The following UBE2E2 variants were observed in gnomAD, a reference collection of about 807,000 sequenced individuals.
The protein encoded by UBE2E2 is ubiquitin-conjugating enzyme E2 E2.
In UBE2E2, 6 loss-of-function variants were observed where a neutral mutation model predicts 24.7. The observed-to-expected ratio is 0.24, with a 90% CI of 0.13 to 0.48. The LOEUF (loss-of-function observed/expected upper bound fraction) is 0.48. Ranked by LOEUF, UBE2E2 falls within the 20% of genes least tolerant of loss-of-function variation. The pLI, the probability that UBE2E2 is intolerant of heterozygous loss-of-function variation, is 0.99. For missense variants in UBE2E2, 169 were observed against 245.0 expected, an observed-to-expected ratio of 0.69 and a Z score of 2.07; for synonymous variants, 104 against 83.6, an observed-to-expected ratio of 1.24 and a Z score of -1.33.
chr3:23,554,094 G>C (rs536684059), intron 5 of UBE2E2, among the ~76,000 whole-genome samples: 12 of 152,150 alleles, frequency 7.9e-5, no homozygotes, highest in African/African-American at 2.4e-4. Context: ...TCCTGAGGTG[G>C]GGTTGAGGGG....
intron 3 of UBE2E2, among the ~76,000 whole-genome samples, chr3:23,322,997 G>T (rs1694786477): frequency 6.6e-6 from 1 of 151,752 alleles, no homozygotes. Flanking sequence ...AAAATCACTT[G>T]TCAATAGTTA....
intron 5 of UBE2E2, among the ~76,000 whole-genome samples, chr3:23,585,206 C>CA (rs201214775): frequency 0.028 from 4,255 of 150,798 alleles, 102 homozygotes; most frequent in East Asian, 0.12. Flanking sequence ...CCGTCTCTAC[C>CA]AAAAAAAATA....
At chr3:23,555,027 T>C (rs1382206175) in intron 5 of UBE2E2, among the ~76,000 whole-genome samples, 1 of 152,080 alleles carries the variant, frequency 6.6e-6, no homozygotes, top group East Asian at 1.9e-4. Flanking sequence ...GTGATGCTGC[T>C]GCCTCAGCCT....
chr3:23,276,056 C>G (rs1230770249), intron 3 of UBE2E2, among the ~76,000 whole-genome samples: 1 of 151,770 alleles, frequency 6.6e-6, no homozygotes, highest in African/African-American at 2.4e-5. Flanking sequence ...AGAGACAAGC[C>G]TATTTAAAAA....
rs564112989 is a variant in UBE2E2 at position 23,450,608 on chromosome 3, T to C, written c.228-49000T>C. On this transcript the variant is annotated intron_variant, in intron 3 of 5. Coordinates refer to ENST00000396703, the MANE Select transcript of UBE2E2 (RefSeq NM_152653.4). ...TGATATCAAAATGTATTCACCAACA[T>C]TGCCCTTATGTAGTTTTAGTTACCT... is the stretch of plus-strand genomic sequence containing the variant. 1.7e-4 allele frequency among the ~76,000 whole-genome samples: 26 copies of C among 152,284 alleles called. No individual in the cohort carries two copies. The South Asian group carries it at 5.4e-3, about 32-fold the overall frequency.
chr3:23,212,876 TATATA>T (rs926290169), intron 2 of UBE2E2, among the ~76,000 whole-genome samples: 2 of 152,158 alleles, frequency 1.3e-5, no homozygotes, highest in African/African-American at 4.8e-5. Flanking sequence ...GAATCATAGA[TATATA>T]GTATATACCA....
chr3:23,573,184 A>C (rs1202057216), intron 5 of UBE2E2, among the ~76,000 whole-genome samples: 2 of 152,234 alleles, frequency 1.3e-5, no homozygotes, highest in African/African-American at 4.8e-5. Context: ...GTACAGAATC[A>C]GGTCCAGATA....
intron 3 of UBE2E2, among the ~76,000 whole-genome samples, chr3:23,359,518 CTG>C (rs1239785143): frequency 6.6e-6 from 1 of 152,076 alleles, no homozygotes; most frequent in Non-Finnish European, 1.5e-5. Context: ...ATCTCTATAA[CTG>C]GTGTCTACAG....
At chr3:23,574,942 GAA>G (rs1185124120) in intron 5 of UBE2E2, among the ~76,000 whole-genome samples, 1 of 152,110 alleles carries the variant, frequency 6.6e-6, no homozygotes, top group Non-Finnish European at 1.5e-5. Context: ...TCCAAAATCT[GAA>G]ACTTTTTGAG....
At chr3:23,241,709 G>T (rs1057351780) in intron 3 of UBE2E2, among the ~76,000 whole-genome samples, 1 of 152,078 alleles carries the variant, frequency 6.6e-6, no homozygotes, top group Non-Finnish European at 1.5e-5. Flanking sequence ...AGTTTCTTAT[G>T]ATTAACTGTG....
intron 3 of UBE2E2, among the ~76,000 whole-genome samples, chr3:23,329,442 G>A (rs1695002748): frequency 6.6e-6 from 1 of 152,228 alleles, no homozygotes; most frequent in Non-Finnish European, 1.5e-5. Context: ...AGACAGAATA[G>A]TAGGCAGACA....
rs189319618 is a variant in UBE2E2 at position 23,542,621 on chromosome 3, T to G, written c.508+9920T>G. ...GATTCATTCCTTAATAAAATGTATT[T>G]TCTGTATTGGCTTTTTGTTATTTTC... On this transcript the variant is annotated intron_variant, in intron 5 of 5. Transcript: ENST00000396703. Among the ~76,000 whole-genome samples the G allele has an allele frequency of 3.9e-3, 598 of 152,324 alleles. 3 individuals are homozygous for G. The highest frequency in any genetic ancestry group is 0.014 in the Middle Eastern group (4 of 294).
chr3:23,545,565 C>T (rs575574768), intron 5 of UBE2E2, among the ~76,000 whole-genome samples: 1 of 152,218 alleles, frequency 6.6e-6, no homozygotes, highest in East Asian at 1.9e-4. Flanking sequence ...AAAATGGAGT[C>T]TCCTATGTCT....
At chr3:23,571,063 T>C (rs1696208331) in intron 5 of UBE2E2, among the ~76,000 whole-genome samples, 2 of 151,976 alleles carry the variant, frequency 1.3e-5, no homozygotes, top group South Asian at 4.2e-4. Flanking sequence ...ACCATGCACA[T>C]AGACAATAAA....
intron 3 of UBE2E2, among the ~76,000 whole-genome samples, chr3:23,349,581 A>G (rs1559356769): frequency 6.6e-6 from 1 of 152,142 alleles, no homozygotes; most frequent in African/African-American, 2.4e-5. Context: ...AGGAGATTAT[A>G]TCCCACGCAA....
chr3:23,566,604 G>C (rs1696079600), intron 5 of UBE2E2, among the ~76,000 whole-genome samples: 2 of 152,174 alleles, frequency 1.3e-5, no homozygotes, highest in Admixed American at 1.3e-4. Context: ...CCAATCAATG[G>C]TGGAGAGTGA....
intron 3 of UBE2E2, among the ~76,000 whole-genome samples, chr3:23,261,944 A>C (rs1697912380): frequency 6.6e-6 from 1 of 152,190 alleles, no homozygotes; most frequent in Non-Finnish European, 1.5e-5. Flanking sequence ...CATGGAGTGC[A>C]GTTATCTCTT....
At chr3:23,486,608 G>A (rs541817431) in intron 3 of UBE2E2, among the ~76,000 whole-genome samples, 24 of 152,262 alleles carry the variant, frequency 1.6e-4, no homozygotes, top group South Asian at 8.3e-4. Flanking sequence ...CTTGTCCCAC[G>A]TCTGGGAAGA....
At chr3:23,569,618 A>G (rs1696176631) in intron 5 of UBE2E2, among the ~76,000 whole-genome samples, 1 of 152,294 alleles carries the variant, frequency 6.6e-6, no homozygotes, top group East Asian at 1.9e-4. Context: ...GACCTCTGGT[A>G]TCTTAAGTCC....
Sources: gnomAD v4.1 joint callset for allele counts (sites outside exome capture counted in the v4.1 genomes callset) on GRCh38, gnomAD v4.1.1 for gene constraint, MANE v1.5 for transcripts, NCBI Gene and HGNC (gene_info 2026-07-23, HGNC 2026-07-21) for gene names.